The following FRMPD4 variants were observed in gnomAD, a reference collection of about 807,000 sequenced individuals.
The protein encoded by FRMPD4 is FERM and PDZ domain containing 4.
Under a neutral mutation model 94.1 loss-of-function variants are expected in FRMPD4, and 22 were observed. The observed-to-expected ratio is 0.23, with a 90% CI of 0.17 to 0.33. The LOEUF (loss-of-function observed/expected upper bound fraction) is 0.33, where lower values mean the gene tolerates loss of function less well. Ranked by LOEUF, FRMPD4 falls within the 10% of genes least tolerant of loss-of-function variation. The pLI, the probability that FRMPD4 is intolerant of heterozygous loss-of-function variation, is 1.00. For missense variants in FRMPD4, 1,111 were observed against 1,339.9 expected, an observed-to-expected ratio of 0.83 and a Z score of 2.67; for synonymous variants, 631 against 548.6, an observed-to-expected ratio of 1.15 and a Z score of -2.10.
At chrX:12,424,969 T>TC (rs1228207957) in intron 1 of FRMPD4, among the ~76,000 whole-genome samples, 3 of 112,081 alleles carry the variant, frequency 2.7e-5, no homozygotes, top group Non-Finnish European at 3.8e-5. Flanking sequence ...CAGTTTTTTT[T>TC]CCCCCAAGGG....
At chrX:12,319,834 T>C (rs983855428) in intron 1 of FRMPD4, among the ~76,000 whole-genome samples, 4 of 112,156 alleles carry the variant, frequency 3.6e-5, no homozygotes, top group Admixed American at 2.8e-4. Flanking sequence ...TTTTTATCAC[T>C]GAACAATAAA....
intron 1 of FRMPD4, among the ~76,000 whole-genome samples, chrX:12,229,359 A>G (rs754387015): frequency 3.6e-5 from 4 of 111,970 alleles, no homozygotes; most frequent in Non-Finnish European, 5.6e-5. Context: ...GCAGAGAGGA[A>G]TATACTTATG....
intron 3 of FRMPD4, among the ~76,000 whole-genome samples, chrX:11,892,519 G>A (rs1364386123): frequency 2.7e-5 from 3 of 111,814 alleles, no homozygotes; most frequent in East Asian, 5.6e-4. Flanking sequence ...CTTCACTCCC[G>A]CACATCTGGA....
intron 4 of FRMPD4, among the ~76,000 whole-genome samples, chrX:12,645,389 C>T (rs1219696803): frequency 2.5e-5 from 2 of 80,540 alleles, no homozygotes; most frequent in African/African-American, 1.0e-4. Flanking sequence ...GAGTCTCACT[C>T]TCGTTGCCTA....
intron 2 of FRMPD4, among the ~76,000 whole-genome samples, chrX:12,592,286 C>T (rs1443125628): frequency 2.7e-5 from 3 of 111,840 alleles, no homozygotes; most frequent in Non-Finnish European, 5.6e-5. Context: ...AGACAGTATT[C>T]CCTGGGTCTT....
chrX:12,717,095 T>C lies in FRMPD4; in HGVS notation c.2636T>C (p.Leu879Pro). The C allele has an allele frequency of 8.4e-7, 1 of 1,190,146 alleles. No homozygotes were observed. The highest frequency in any genetic ancestry group is 1.1e-6 in the Non-Finnish European group (1 of 881,151). ...TCCACGCTGGGAGCTCTAGAGGCTCTATCCGTGTCAGAAGAACAGCAGACC... is the reference window on the plus strand; with the variant it reads ...TCCACGCTGGGAGCTCTAGAGGCTCCATCCGTGTCAGAAGAACAGCAGACC... ...VVSTLGALEA[L>P]SVSEEQQTSD... Residue 879 changes from leucine to proline, a missense_variant, in exon 15 of 17, where the codon CTA (leucine) becomes CCA (proline). Physicochemically the swap from Leu to Pro is moderately conservative, Grantham distance 98. Around this residue, in one of 8 missense-constraint regions of FRMPD4, gnomAD observed 74 missense variants for 93.9 expected, o/e 0.79. Coordinates refer to ENST00000675598, the MANE Select transcript of FRMPD4 (RefSeq NM_001368397.1).
intron 3 of FRMPD4, among the ~76,000 whole-genome samples, chrX:12,068,275 T>C (rs1249784644): frequency 8.0e-5 from 9 of 112,306 alleles, no homozygotes; most frequent in South Asian, 3.7e-4. Flanking sequence ...TTTGGACTTC[T>C]GGCCTTCAGA....
At chrX:12,255,927 G>A (rs138033925) in intron 1 of FRMPD4, among the ~76,000 whole-genome samples, 3,919 of 112,068 alleles carry the variant, frequency 0.035, 155 homozygotes, top group African/African-American at 0.12. Flanking sequence ...TAATGGTCTG[G>A]TCATTCTCTG....
intron 3 of FRMPD4, among the ~76,000 whole-genome samples, chrX:11,947,755 C>T (rs1311839448): frequency 9.0e-6 from 1 of 111,057 alleles, no homozygotes; most frequent in East Asian, 2.8e-4. Flanking sequence ...ACTTAACCTG[C>T]AATAATTTTA....
intron 1 of FRMPD4, among the ~76,000 whole-genome samples, chrX:12,388,561 T>C (rs1383324969): frequency 9.4e-6 from 1 of 106,657 alleles, no homozygotes; most frequent in East Asian, 2.9e-4. Context: ...GCCAAGATCA[T>C]GCCACTGCAC....
intron 3 of FRMPD4, among the ~76,000 whole-genome samples, chrX:11,987,097 T>TCAAAAAAAAAAAAAAAAAA (rs1569137639): frequency 6.8e-5 from 1 of 14,642 alleles, no homozygotes; most frequent in African/African-American, 4.8e-4. Context: ...CAAAGACACA[T>TCAAAAAAAAAAAAAAAAAA]TAAAAAAAAA....
chrX:11,912,473 G>T (rs1398997526), intron 3 of FRMPD4, among the ~76,000 whole-genome samples: 1 of 112,077 alleles, frequency 8.9e-6, no homozygotes, highest in African/African-American at 3.2e-5. Flanking sequence ...ACACATAAAA[G>T]AAATATAAAG....
At chrX:12,644,909 G>A (rs745510553) in intron 4 of FRMPD4, among the ~76,000 whole-genome samples, 231 of 111,875 alleles carry the variant, frequency 2.1e-3, no homozygotes, top group African/African-American at 6.4e-3. Flanking sequence ...AAAGCAAGTC[G>A]AGAGTGAGTT....
intron 1 of FRMPD4, among the ~76,000 whole-genome samples, chrX:12,414,911 A>C (rs2056779462): frequency 8.9e-6 from 1 of 111,994 alleles, no homozygotes; most frequent in Admixed American, 9.5e-5. Context: ...TGATCACTAC[A>C]CTGCATTGAA....
intron 1 of FRMPD4, among the ~76,000 whole-genome samples, chrX:12,351,799 A>C (rs1289357088): frequency 8.9e-6 from 1 of 112,698 alleles, no homozygotes; most frequent in Non-Finnish European, 1.9e-5. Flanking sequence ...TGTGTTTGTG[A>C]GTTTCATCAA....
intron 3 of FRMPD4, among the ~76,000 whole-genome samples, chrX:11,894,308 A>G (rs777386485): frequency 8.9e-6 from 1 of 112,520 alleles, no homozygotes; most frequent in East Asian, 2.8e-4. Context: ...ACATCTAGAG[A>G]AACTGAAGCA....
At chrX:11,900,762 T>A (rs1343375677) in intron 3 of FRMPD4, among the ~76,000 whole-genome samples, 2 of 111,616 alleles carry the variant, frequency 1.8e-5, no homozygotes, top group Non-Finnish European at 3.8e-5. Flanking sequence ...ACACCTCCAC[T>A]GGTGGTTGGG....
chrX:12,339,305 G>A (rs150880493), intron 1 of FRMPD4, among the ~76,000 whole-genome samples: 5,163 of 111,957 alleles, frequency 0.046, 282 homozygotes, highest in African/African-American at 0.16. Flanking sequence ...AGGCTTCTGT[G>A]TATGAACCAT....
intron 1 of FRMPD4, among the ~76,000 whole-genome samples, chrX:11,864,178 C>T (rs940753294): frequency 1.8e-5 from 2 of 110,245 alleles, no homozygotes; most frequent in African/African-American, 6.6e-5. Flanking sequence ...TGGCAAGTCA[C>T]ACACATTGCA....
Sources: allele counts gnomAD v4.1 joint callset (sites outside exome capture counted in the v4.1 genomes callset), GRCh38; gene constraint gnomAD v4.1.1; regional missense constraint gnomAD v4.1.1; transcripts MANE v1.5; gene names NCBI Gene and HGNC (gene_info 2026-07-23, HGNC 2026-07-21).